Variants in ABLIM2 observed in about 807,000 individuals in gnomAD.
The protein encoded by ABLIM2 is actin binding LIM protein family member 2.
A neutral mutation model predicts 97.7 loss-of-function variants in ABLIM2; 53 were observed. The observed-to-expected ratio is 0.54, with a 90% confidence interval of 0.44 to 0.68. ABLIM2 has a LOEUF of 0.68. ABLIM2 is among the 30% of genes least tolerant of loss of function. The probability of loss-of-function intolerance (pLI) is 0.00; values close to 1 mark genes in which losing one functional copy is unlikely to be tolerated. For synonymous variants in ABLIM2, 361 were observed against 345.8 expected, an observed-to-expected ratio of 1.04 and a Z score of -0.49; for missense variants, 835 against 867.2, an observed-to-expected ratio of 0.96 and a Z score of 0.47.
chr4:8,154,568 C>A (rs958674222), intron 1 of ABLIM2, among the ~76,000 whole-genome samples: 14 of 152,250 alleles, frequency 9.2e-5, no homozygotes, highest in Non-Finnish European at 1.6e-4. Context: ...GCGTAAGCCA[C>A]CGCACCCGGC....
At chr4:7,976,886 C>T (rs976669643) in intron 20 of ABLIM2, among the ~76,000 whole-genome samples, 6 of 145,176 alleles carry the variant, frequency 4.1e-5, no homozygotes, top group African/African-American at 7.8e-5. Flanking sequence ...CATACACACA[C>T]GCATATACAC....
intron 14 of ABLIM2, among the ~76,000 whole-genome samples, chr4:8,017,203 T>A (rs1769975817): frequency 2.0e-5 from 3 of 152,138 alleles, no homozygotes; most frequent in Non-Finnish European, 4.4e-5. Context: ...CTCATACAAC[T>A]AGCCCTGCTT....
At position 8,120,642 on chromosome 4, in the gene ABLIM2, C is replaced by G. The variant is rs1297206403; in HGVS notation, c.11-14005G>C. ...AGGATGCACATCTGCCAGTCCAGCCCCCATCTGTGTGCTCTGTCGTGGGAG... is the reference window on the plus strand; with the variant it reads ...AGGATGCACATCTGCCAGTCCAGCCGCCATCTGTGTGCTCTGTCGTGGGAG... On this transcript the variant is annotated intron_variant, in intron 1 of 20. Coordinates refer to ENST00000447017, the MANE Select transcript of ABLIM2 (RefSeq NM_001130083.2). This position sits in a 1 kb window ranked among gnomAD's most constrained non-coding sequence, Gnocchi z 5.6. 6.6e-6 allele frequency among the ~76,000 whole-genome samples: 1 copy of G among 152,198 alleles called. No individual in the cohort carries two copies. The highest frequency in any genetic ancestry group is 1.9e-4 in the East Asian group (1 of 5,190).
At chr4:8,138,200 A>T (rs1279105235) in intron 1 of ABLIM2, among the ~76,000 whole-genome samples, 1 of 152,164 alleles carries the variant, frequency 6.6e-6, no homozygotes, top group Non-Finnish European at 1.5e-5. Flanking sequence ...ACAGAACCTC[A>T]GTTGAGGGAG....
chr4:8,008,956 A>G lies in ABLIM2; in HGVS notation c.1476+94T>C, dbSNP rs1002181220. ...GGGCCCCTAAGGAACAGAATGTAAG[A>G]GGAAGATTCGAAGTCTCAATCGGAG... On this transcript the variant is annotated intron_variant, in intron 15 of 20. Coordinates refer to ENST00000447017, the MANE Select transcript of ABLIM2 (RefSeq NM_001130083.2). The G allele has an allele frequency of 4.9e-6, 7 of 1,439,744 alleles. No individual in the cohort carries two copies. In the African/African-American group the frequency reaches 8.4e-5, roughly 17 times the overall value. The allele number at this position is 1,439,744 out of a possible 1,614,324, so 89.2% of individuals were successfully genotyped here.
chr4:8,039,047 A>G (rs1786388827), intron 9 of ABLIM2, among the ~76,000 whole-genome samples: 1 of 151,820 alleles, frequency 6.6e-6, no homozygotes, highest in Non-Finnish European at 1.5e-5. Context: ...CCCCCGCAAC[A>G]AGTTAGTGTT....
At chr4:8,135,792 G>A (rs1185293223) in intron 1 of ABLIM2, among the ~76,000 whole-genome samples, 1 of 152,228 alleles carries the variant, frequency 6.6e-6, no homozygotes, top group Non-Finnish European at 1.5e-5. Flanking sequence ...ATGGGCAAGG[G>A]GCCTCTCACG....
chr4:7,984,314 C>T (rs1741551958), intron 18 of ABLIM2, among the ~76,000 whole-genome samples: 2 of 152,172 alleles, frequency 1.3e-5, no homozygotes, highest in Admixed American at 6.5e-5. Context: ...GCAACCCAGT[C>T]CAGCAGAGCA....
At position 8,091,601 on chromosome 4, in the gene ABLIM2, T is replaced by TATAAAATTATATATATAATTATATATA. The variant is rs1828325315; in HGVS notation, c.339-3318_339-3317insTATATATAATTATATATATAATTTTAT. 7.7e-5 allele frequency among the ~76,000 whole-genome samples: 4 copies of TATAAAATTATATATATAATTATATATA among 52,054 alleles called. 2 individuals are homozygous for TATAAAATTATATATATAATTATATATA. Among genetic ancestry groups the TATAAAATTATATATATAATTATATATA allele is most frequent in the Non-Finnish European group, 1.2e-4 (4 of 34,766 alleles). 34.1% of individuals were successfully genotyped at this position (52,054 alleles called of 152,430 possible). On this transcript the variant is annotated intron_variant, in intron 3 of 20. Coordinates refer to ENST00000447017, the MANE Select transcript of ABLIM2 (RefSeq NM_001130083.2). The stretch of plus-strand genomic sequence containing the variant: ...TTATATAAAATTATATATATAATTA[T>TATAAAATTATATATATAATTATATATA]ATATATTATGTATAATTTTATATAA...
Position 8,113,915 on chromosome 4 carries a change from G to C in ABLIM2, c.11-7278C>G, listed in dbSNP as rs1480559453. Among the ~76,000 whole-genome samples the C allele has an allele frequency of 6.6e-6, 1 of 152,236 alleles. No homozygotes were observed. Among genetic ancestry groups the C allele is most frequent in the African/African-American group, 2.4e-5 (1 of 41,464 alleles). ...GCAGAGCAATACAGAGAGGGGCACA[G>C]GGCTGTGTGCAGGCACAGCAGGGAG... On this transcript the variant is annotated intron_variant, in intron 1 of 20. Coordinates refer to ENST00000447017, the MANE Select transcript of ABLIM2 (RefSeq NM_001130083.2). The surrounding 1 kb of genome is among the most constrained non-coding windows in gnomAD (Gnocchi z 4.5).
In ABLIM2 at chr4:8,124,200, T is replaced by C. The variant is rs1286498765; in HGVS notation, c.11-17563A>G. On this transcript the variant is annotated intron_variant, in intron 1 of 20. Transcript: ENST00000447017. The surrounding 1 kb of genome is among the most constrained non-coding windows in gnomAD (Gnocchi z 6.1). Reference sequence around the variant, plus strand: ...TTTCAGAAACAATATTCTCAGCACCTCCACAGAGCCTAGCCAGCTCTGCAG... The same window carrying C: ...TTTCAGAAACAATATTCTCAGCACCCCCACAGAGCCTAGCCAGCTCTGCAG... Among the ~76,000 whole-genome samples, 1 of 152,178 alleles carries C rather than the reference T, an allele frequency of 6.6e-6. No homozygotes were observed. The highest frequency in any genetic ancestry group is 6.5e-5 in the Admixed American group (1 of 15,276).
chr4:8,098,175 C>A (rs898933079), intron 2 of ABLIM2, among the ~76,000 whole-genome samples: 1 of 152,146 alleles, frequency 6.6e-6, no homozygotes, highest in African/African-American at 2.4e-5. Flanking sequence ...CTGGCCCAGG[C>A]CCTCCCTGCT....
At chr4:8,131,870 G>A (rs969428458) in intron 1 of ABLIM2, among the ~76,000 whole-genome samples, 1 of 137,640 alleles carries the variant, frequency 7.3e-6, no homozygotes, top group Admixed American at 7.3e-5. Context: ...CGCATCCCCT[G>A]CACAGCAGCC....
intron 14 of ABLIM2, among the ~76,000 whole-genome samples, chr4:8,018,408 G>T (rs981819745): frequency 2.6e-5 from 4 of 152,140 alleles, no homozygotes; most frequent in East Asian, 1.9e-4. Context: ...CAAGGGAACT[G>T]GTCTGGACAA....
chr4:8,058,993 C>G lies in ABLIM2; in HGVS notation c.763+1974G>C, dbSNP rs1231387541. Among the ~76,000 whole-genome samples, 1 of 152,104 alleles carries G rather than the reference C, an allele frequency of 6.6e-6. No homozygotes were observed. The highest frequency in any genetic ancestry group is 1.5e-5 in the Non-Finnish European group (1 of 68,022). ...CCCAACCCTGCTCATTGGCTGCAACCCCCACTGTCTGCCATATTCAAAATC... is the reference window on the plus strand; with the variant it reads ...CCCAACCCTGCTCATTGGCTGCAACGCCCACTGTCTGCCATATTCAAAATC... On this transcript the variant is annotated intron_variant, in intron 7 of 20. Coordinates refer to ENST00000447017, the MANE Select transcript of ABLIM2 (RefSeq NM_001130083.2). The surrounding 1 kb of genome is among the most constrained non-coding windows in gnomAD (Gnocchi z 4.2).
In ABLIM2 at chr4:8,082,419, G is replaced by A. The variant is rs1039259197; in HGVS notation, c.455-1617C>T. Among the ~76,000 whole-genome samples the A allele has an allele frequency of 2.6e-5, 4 of 152,214 alleles. No individual in the cohort carries two copies. In the South Asian group the frequency reaches 6.2e-4, roughly 24 times the overall value. ...CCTGGCCCAAAGCCTTGCGCATCCC[G>A]GGTGAACAGTGAGCATCGGCGAGAC... is the stretch of plus-strand genomic sequence containing the variant. On this transcript the variant is annotated intron_variant, in intron 4 of 20. Coordinates refer to ENST00000447017, the MANE Select transcript of ABLIM2 (RefSeq NM_001130083.2). The surrounding 1 kb of genome is among the most constrained non-coding windows in gnomAD (Gnocchi z 5.6).
At chr4:8,118,208 C>T (rs1386434532) in intron 1 of ABLIM2, among the ~76,000 whole-genome samples, 1 of 152,190 alleles carries the variant, frequency 6.6e-6, no homozygotes, top group African/African-American at 2.4e-5. Context: ...GAGCTCAACA[C>T]ACGCCAGGGC....
rs1167103962 is a variant in ABLIM2, at chr4:8,155,574, T to C, written c.10+3106A>G. Among the ~76,000 whole-genome samples the C allele has an allele frequency of 6.6e-6, 1 of 152,224 alleles. No homozygotes were observed. The highest frequency in any genetic ancestry group is 2.4e-5 in the African/African-American group (1 of 41,456). ...CGCCCTTGGCCCCGCACCCCTGTTATGGACTGAATTGTCTAAATTCATATG... is the reference window on the plus strand; with the variant it reads ...CGCCCTTGGCCCCGCACCCCTGTTACGGACTGAATTGTCTAAATTCATATG... On this transcript the variant is annotated intron_variant, in intron 1 of 20. Transcript: ENST00000447017. The surrounding 1 kb of genome is among the most constrained non-coding windows in gnomAD (Gnocchi z 4.2).
At position 7,970,841 on chromosome 4, in the gene ABLIM2, T is replaced by C. The variant is rs150515003; in HGVS notation, c.1825-3738A>G. On this transcript the variant is annotated intron_variant, in intron 20 of 20. Transcript: ENST00000447017. This position sits in a 1 kb window ranked among gnomAD's most constrained non-coding sequence, Gnocchi z 5.3. The stretch of plus-strand genomic sequence containing the variant: ...CACAGCAACAGGGAGGGGCCGGGGG[T>C]GTCCCGAGCATGTGGGCTGGGCCAG... Among the ~76,000 whole-genome samples, 95 of 151,584 alleles carry C rather than the reference T, an allele frequency of 6.3e-4. 1 individual carries two copies. Among genetic ancestry groups the C allele is most frequent in the Middle Eastern group, 3.4e-3 (1 of 292 alleles).
Sources: allele counts gnomAD v4.1 joint callset (sites outside exome capture counted in the v4.1 genomes callset), GRCh38; gene constraint gnomAD v4.1.1; non-coding constraint Gnocchi (gnomAD v3.1); transcripts MANE v1.5; gene names NCBI Gene and HGNC (gene_info 2026-07-23, HGNC 2026-07-21).